The following HTT variants were observed in gnomAD, a reference collection of about 807,000 sequenced individuals.
HTT encodes huntingtin.
Under a neutral mutation model 362.3 loss-of-function variants are expected in HTT, and 104 were observed. The observed-to-expected ratio is 0.29, with a 90% CI of 0.24 to 0.34. The LOEUF is 0.34. Among genes scored for constraint, HTT ranks in the 10% least tolerant of loss-of-function variants. The pLI is 1.00. For missense variants in HTT, 3,301 were observed against 3,928.6 expected (o/e 0.84, Z 4.27); for synonymous variants, 1,577 against 1,548.7 (o/e 1.02, Z -0.43).
chr4:3,112,865 C>G (rs1472540732), intron 6 of HTT: 1 of 167,450 alleles, frequency 6.0e-6, no homozygotes, highest in African/African-American at 2.4e-5. Context: ...CCTTTTGCCA[C>G]TGTGTATGGG....
At chr4:3,189,470 C>G (rs1448505939) in intron 40 of HTT, among the ~76,000 whole-genome samples, 2 of 152,192 alleles carry the variant, frequency 1.3e-5, no homozygotes, top group Non-Finnish European at 2.9e-5. Context: ...CTGACACATG[C>G]TACAACATGG....
rs780688675 is a variant in HTT at position 3,115,352 on chromosome 4, A to G, written c.796A>G (p.Ile266Val). 9 of 1,614,132 alleles carry G rather than the reference A, an allele frequency of 5.6e-6. No individual in the cohort carries two copies. Among genetic ancestry groups the G allele is most frequent in the Non-Finnish European group, 5.9e-6 (7 of 1,179,984 alleles). The change falls in exon 7 of 67, where the codon ATT becomes GTT. Residue 266 changes from isoleucine to valine, a missense_variant. Coordinates refer to ENST00000355072, the MANE Select transcript of HTT (RefSeq NM_001388492.1). ...GAACCTGAAGTCAAGCTCCCCCACC[A>G]TTCGGCGGACAGCGGCTGGATCAGC... The part of the protein sequence containing the change: ...IANLKSSSPT[I>V]RRTAAGSAVS...
intron 37 of HTT, among the ~76,000 whole-genome samples, chr4:3,185,579 A>G (rs1021326690): frequency 6.6e-6 from 1 of 152,240 alleles, no homozygotes; most frequent in Non-Finnish European, 1.5e-5. Context: ...ACACTGTGGT[A>G]TAAGCTTAGA....
intron 6 of HTT, among the ~76,000 whole-genome samples, chr4:3,111,099 C>T (rs1714723433): frequency 6.6e-6 from 1 of 152,108 alleles, no homozygotes; most frequent in Admixed American, 6.5e-5. Context: ...CTCACTGCAG[C>T]CTCAAATTCC....
In HTT at chr4:3,238,963, CG is replaced by C; in HGVS notation, c.9201del (p.Trp3068GlyfsTer21). ...SCFFVSASTSPWVAAILPHVI... is the reference protein window; with the variant it reads ...SCFFVSASTSXWVAAILPHVI... ...TTCTTTGTCAGCGCGTCCACCAGCC[CG>C]TGGGTCGCGGCGATGTATCCTCTCT... On this transcript the variant is annotated frameshift_variant, in exon 66 of 67. Coordinates refer to ENST00000355072, the MANE Select transcript of HTT (RefSeq NM_001388492.1). LOFTEE classifies it high-confidence loss of function. 1 of 1,606,700 alleles carries C rather than the reference CG, an allele frequency of 6.2e-7. No individual in the cohort carries two copies. Among genetic ancestry groups the C allele is most frequent in the South Asian group, 1.1e-5 (1 of 89,966 alleles).
intron 29 of HTT, 30 bp downstream of exon 29, chr4:3,160,422 G>C: frequency 7.1e-7 from 1 of 1,399,964 alleles, no homozygotes. Flanking sequence ...TCCTTGGGTT[G>C]TGGCTGGCAC....
chr4:3,144,894 A>G (rs1578535066), intron 23 of HTT, among the ~76,000 whole-genome samples: 1 of 152,196 alleles, frequency 6.6e-6, no homozygotes, highest in East Asian at 1.9e-4. Flanking sequence ...TGAGAGGCGG[A>G]AGGGTGGGAG....
At position 3,191,331 on chromosome 4, in the gene HTT, G is replaced by T. The variant is rs534751718; in HGVS notation, c.5368+2238G>T. On this transcript the variant is annotated intron_variant, in intron 40 of 66. Transcript: ENST00000355072. ...TGGGATTACGGGCATGCACCACCAC[G>T]CCTGGCTAATTTTTTGTATTTTTAG... 4.3e-4 allele frequency among the ~76,000 whole-genome samples: 65 copies of T among 151,954 alleles called. 1 individual carries two copies. The highest frequency in any genetic ancestry group is 1.5e-3 in the African/African-American group (61 of 41,434).
Position 3,218,563 on chromosome 4 carries a change from G to A in HTT, c.7242+611G>A, listed in dbSNP as rs1427794061. 2.0e-5 allele frequency among the ~76,000 whole-genome samples: 3 copies of A among 152,042 alleles called. No individual in the cohort carries two copies. The highest frequency in any genetic ancestry group is 4.4e-5 in the Non-Finnish European group (3 of 68,022). On this transcript the variant is annotated intron_variant, in intron 52 of 66. Transcript: ENST00000355072. This position sits in a 1 kb window ranked among gnomAD's most constrained non-coding sequence, Gnocchi z 4.4. ...CAGGAGAATCGCTTGAACCCAGGAGGCGAAGGTTGCAGTAAGCCGAGATCG... is the reference window on the plus strand; with the variant it reads ...CAGGAGAATCGCTTGAACCCAGGAGACGAAGGTTGCAGTAAGCCGAGATCG...
At chr4:3,183,729 A>G (rs1291114230) in intron 37 of HTT, among the ~76,000 whole-genome samples, 2 of 152,200 alleles carry the variant, frequency 1.3e-5, no homozygotes, top group African/African-American at 2.4e-5. Context: ...GCTTTATCCC[A>G]TTCTTTTCTG....
chr4:3,153,461 G>A (rs979929916), intron 26 of HTT, among the ~76,000 whole-genome samples: 6 of 152,108 alleles, frequency 3.9e-5, no homozygotes, highest in Non-Finnish European at 7.4e-5. Flanking sequence ...TAGAGCATTG[G>A]GAGTCTCGAT....
intron 26 of HTT, among the ~76,000 whole-genome samples, chr4:3,149,266 A>G (rs1266013461): frequency 2.6e-5 from 4 of 151,460 alleles, no homozygotes; most frequent in African/African-American, 9.7e-5. Context: ...TATTTGTACA[A>G]TGGATTTAAG....
chr4:3,176,412 C>G (rs990969238), intron 33 of HTT, among the ~76,000 whole-genome samples: 3 of 152,140 alleles, frequency 2.0e-5, no homozygotes, highest in Non-Finnish European at 4.4e-5. Flanking sequence ...AAAACCTGTC[C>G]GAAGAAAATC....
chr4:3,217,765 A>G lies in HTT; in HGVS notation c.7055A>G (p.Asn2352Ser), dbSNP rs778861697. Residue 2352 changes from asparagine (N) to serine (S), a missense_variant and splice_region_variant, in exon 52 of 67, where the codon AAT becomes AGT. Coordinates refer to ENST00000355072, the MANE Select transcript of HTT (RefSeq NM_001388492.1). ...EEEEVDPNTQ[N>S]PKYITAACEM... is the part of the protein sequence containing the mutation. The stretch of plus-strand genomic sequence containing the variant: ...CCTCTCTTAACCGTTGCTTGTTTAG[A>G]TCCTAAGTATATCACTGCAGCCTGT... The G allele has an allele frequency of 3.1e-6, 5 of 1,611,628 alleles. No homozygotes were observed. The highest frequency in any genetic ancestry group is 3.3e-5 in the Admixed American group (2 of 59,718).
In HTT at chr4:3,125,551, A is replaced by G. The variant is rs1416378219; in HGVS notation, c.1324A>G (p.Lys442Glu). The change falls in exon 11 of 67, where the codon AAA becomes GAA. Residue 442 changes from lysine (K) to glutamate (E), a missense_variant and splice_region_variant. Around this residue, in one of 4 missense-constraint regions of HTT, gnomAD observed 2,316 missense variants for 2,658.5 expected, o/e 0.87. Transcript: ENST00000355072. ...AATGTTGGTACATTATTTACTAGGC[A>G]AAGTGCTCTTAGGAGAAGAAGAAGC... ...SPVLSRKQKG[K>E]VLLGEEEALE... 4 of 1,611,200 alleles carry G rather than the reference A, an allele frequency of 2.5e-6. No individual in the cohort carries two copies. The highest frequency in any genetic ancestry group is 2.2e-5 in the East Asian group (1 of 44,850).
chr4:3,145,546 A>G (rs949331981), intron 24 of HTT, among the ~76,000 whole-genome samples: 30 of 152,150 alleles, frequency 2.0e-4, no homozygotes, highest in African/African-American at 7.2e-4. Flanking sequence ...ATTTGCTGTG[A>G]ATTAGAAGTT....
chr4:3,210,272 T>C (rs929483754), intron 47 of HTT, among the ~76,000 whole-genome samples: 1 of 152,204 alleles, frequency 6.6e-6, no homozygotes, highest in Non-Finnish European at 1.5e-5. Flanking sequence ...ATGAGAACTA[T>C]CTGGCCTCCA....
chr4:3,187,755 G>T lies in HTT; in HGVS notation c.5094G>T (p.Glu1698Asp). ...ATATTGTTCTTTCTCGTATTCAGGA[G>T]CTCTCCTTCTCTCCGTATTTAATCT... is the stretch of plus-strand genomic sequence containing the variant. ...TEDIVLSRIQELSFSPYLISC... is the reference protein window; with the variant it reads ...TEDIVLSRIQDLSFSPYLISC... The change falls in exon 39 of 67, where the codon GAG (glutamate) becomes GAT (aspartate). Residue 1698 changes from glutamate (E) to aspartate (D), a missense_variant. Around this residue, in one of 4 missense-constraint regions of HTT, gnomAD observed 2,316 missense variants for 2,658.5 expected, o/e 0.87. Coordinates refer to ENST00000355072, the MANE Select transcript of HTT (RefSeq NM_001388492.1). 1 of 1,613,782 alleles carries T rather than the reference G, an allele frequency of 6.2e-7. No homozygotes were observed. Among genetic ancestry groups the T allele is most frequent in the Non-Finnish European group, 8.5e-7 (1 of 1,179,682 alleles).
chr4:3,115,463 G>T lies in HTT; in HGVS notation c.889+18G>T, dbSNP rs768906838. On this transcript the variant is annotated intron_variant, in intron 7 of 66. Transcript: ENST00000355072. ...GCTCTTAGGTAAGGTGGAGGCATATGAGTGGAAGAGTCTCCAGCATGTACT... is the reference window on the plus strand; with the variant it reads ...GCTCTTAGGTAAGGTGGAGGCATATTAGTGGAAGAGTCTCCAGCATGTACT... The T allele has an allele frequency of 6.3e-7, 1 of 1,586,680 alleles. No individual in the cohort carries two copies. Among genetic ancestry groups the T allele is most frequent in the East Asian group, 2.2e-5 (1 of 44,728 alleles).
Sources: allele counts gnomAD v4.1 joint callset (sites outside exome capture counted in the v4.1 genomes callset), GRCh38; gene constraint gnomAD v4.1.1; regional missense constraint gnomAD v4.1.1; non-coding constraint Gnocchi (gnomAD v3.1); transcripts MANE v1.5; gene names NCBI Gene and HGNC (gene_info 2026-07-23, HGNC 2026-07-21).